Variants in PCDHA8 observed in about 807,000 individuals in gnomAD.
The protein encoded by PCDHA8 is protocadherin alpha 8.
PCDHA8 carries 53 observed loss-of-function variants against 61.8 expected under a neutral mutation model. The observed-to-expected ratio is 0.86, with a 90% CI of 0.69 to 1.08. The LOEUF (loss-of-function observed/expected upper bound fraction) is 1.08. Ranked by LOEUF, PCDHA8 falls within the 50% of genes least tolerant of loss-of-function variation. The pLI, the probability that PCDHA8 is intolerant of heterozygous loss-of-function variation, is 0.00. For synonymous variants in PCDHA8, 618 were observed against 556.6 expected (o/e 1.11, Z -1.55); for missense variants, 1,293 against 1,245.0 (o/e 1.04, Z -0.58).
intron 1 of PCDHA8, chr5:140,862,507 G>C (rs2047400822): frequency 5.0e-6 from 2 of 401,986 alleles, no homozygotes; most frequent in Non-Finnish European, 5.0e-6. Flanking sequence ...ATGGGGACTC[G>C]CTTTCATTGT....
chr5:140,984,168 A>C (rs1181991691), intron 3 of PCDHA8, among the ~76,000 whole-genome samples: 1 of 152,204 alleles, frequency 6.6e-6, no homozygotes, highest in Non-Finnish European at 1.5e-5. Context: ...TTCCCAAAGA[A>C]GCCACGTGAA....
At position 140,876,889 on chromosome 5, in the gene PCDHA8, C is replaced by G. The variant is rs1409299527; in HGVS notation, c.2394+33174C>G. On this transcript the variant is annotated intron_variant, in intron 1 of 3. Coordinates refer to ENST00000531613, the MANE Select transcript of PCDHA8 (RefSeq NM_018911.3). ...GAAGGAGAACAACCCGCCGGGCTGC[C>G]ACATCTTCACGGTGTCGGCATGGGA... 3.1e-6 allele frequency: 5 copies of G among 1,613,996 alleles called. No homozygotes were observed. In the African/African-American group the frequency reaches 6.7e-5, roughly 22 times the overall value.
At chr5:140,887,668 A>G (rs1047587717) in intron 1 of PCDHA8, among the ~76,000 whole-genome samples, 1 of 151,958 alleles carries the variant, frequency 6.6e-6, no homozygotes, top group Non-Finnish European at 1.5e-5. Context: ...CTGTGGATTT[A>G]TCATTTTCAT....
intron 1 of PCDHA8, chr5:140,927,906 CG>C: frequency 6.2e-7 from 1 of 1,614,180 alleles, no homozygotes. Context: ...ATCATGCCCC[CG>C]AACTGGACTT....
At chr5:140,954,183 A>T (rs246025) in intron 1 of PCDHA8, among the ~76,000 whole-genome samples, 85,732 of 152,134 alleles carry the variant, frequency 0.56, 24,791 homozygotes, top group African/African-American at 0.69. Flanking sequence ...CCAGTCTATC[A>T]TTGATGGGCA....
At chr5:140,927,669 T>G in intron 1 of PCDHA8, 1 of 1,614,106 alleles carries the variant, frequency 6.2e-7, no homozygotes. Context: ...AAGCCTTGGA[T>G]CCAGATGAAG....
At chr5:140,942,663 A>G (rs2153659608) in intron 1 of PCDHA8, among the ~76,000 whole-genome samples, 1 of 152,294 alleles carries the variant, frequency 6.6e-6, no homozygotes, top group African/African-American at 2.4e-5. Context: ...AAAAGCAATA[A>G]GCACAAAAGT....
At chr5:140,936,311 T>C (rs1451314089) in intron 1 of PCDHA8, among the ~76,000 whole-genome samples, 1 of 152,228 alleles carries the variant, frequency 6.6e-6, no homozygotes, top group African/African-American at 2.4e-5. Flanking sequence ...AATAGAACTT[T>C]CTGACATGCT....
At chr5:140,856,295 T>C (rs782325790) in intron 1 of PCDHA8, 3 of 1,598,412 alleles carry the variant, frequency 1.9e-6, no homozygotes, top group Admixed American at 1.7e-5. Context: ...GAATGGCATT[T>C]TGTTTGTGAA....
At chr5:140,872,652 T>C (rs1185435042) in intron 1 of PCDHA8, among the ~76,000 whole-genome samples, 2 of 152,142 alleles carry the variant, frequency 1.3e-5, no homozygotes, top group Non-Finnish European at 2.9e-5. Context: ...AGGCAAGAGA[T>C]TTGTCAACTA....
intron 1 of PCDHA8, chr5:140,876,877 C>T: frequency 6.2e-7 from 1 of 1,614,138 alleles, no homozygotes; most frequent in Non-Finnish European, 8.5e-7. Context: ...GGAGAACAAC[C>T]CGCCGGGCTG....
At chr5:140,950,669 G>C (rs1554219570) in intron 1 of PCDHA8, among the ~76,000 whole-genome samples, 1 of 151,992 alleles carries the variant, frequency 6.6e-6, no homozygotes, top group African/African-American at 2.4e-5. Flanking sequence ...TATCAAACAT[G>C]TACATGTATA....
chr5:140,883,137 T>C (rs2153390787), intron 1 of PCDHA8: 1 of 1,614,036 alleles, frequency 6.2e-7, no homozygotes, highest in Admixed American at 1.7e-5. Flanking sequence ...CCTGCAGTGG[T>C]ATATGCATTT....
chr5:140,979,604 A>T (rs1326370777), intron 2 of PCDHA8, among the ~76,000 whole-genome samples: 1 of 152,204 alleles, frequency 6.6e-6, no homozygotes, highest in African/African-American at 2.4e-5. Context: ...AAATTAACCT[A>T]GAGTAACGGT....
At chr5:140,949,234 A>C (rs2094354068) in intron 1 of PCDHA8, among the ~76,000 whole-genome samples, 1 of 151,820 alleles carries the variant, frequency 6.6e-6, no homozygotes, top group South Asian at 2.1e-4. Flanking sequence ...TCTGTGGCCC[A>C]GCAACAGTCT....
At chr5:140,925,665 A>C (rs2082643258) in intron 1 of PCDHA8, among the ~76,000 whole-genome samples, 1 of 149,266 alleles carries the variant, frequency 6.7e-6, no homozygotes, top group Non-Finnish European at 1.5e-5. Flanking sequence ...TAATAATAAT[A>C]ATAATAATAA....
chr5:140,939,246 C>A (rs536477969), intron 1 of PCDHA8, among the ~76,000 whole-genome samples: 1 of 152,112 alleles, frequency 6.6e-6, no homozygotes, highest in South Asian at 2.1e-4. Context: ...AGCAAGGTAG[C>A]TCTCTGGAAC....
rs2150502964 is a variant in PCDHA8 at position 140,850,934 on chromosome 5, T to C, written c.2394+7219T>C. On this transcript the variant is annotated intron_variant, in intron 1 of 3. Transcript: ENST00000531613. ...TATTTATTTATATAATTTTTTTTCTTGAAAGATATTATCGATTACTCCCAG... is the reference window on the plus strand; with the variant it reads ...TATTTATTTATATAATTTTTTTTCTCGAAAGATATTATCGATTACTCCCAG... 3.0e-5 allele frequency: 45 copies of C among 1,514,272 alleles called. 2 individuals are homozygous for C. The South Asian group carries it at 5.0e-4, about 17-fold the overall frequency. The allele number at this position is 1,514,272 out of a possible 1,614,324, so 93.8% of individuals were successfully genotyped here.
At chr5:140,882,039 TGA>T (rs781834736) in intron 1 of PCDHA8, 12 of 658,206 alleles carry the variant, frequency 1.8e-5, no homozygotes, top group Non-Finnish European at 2.9e-5. Flanking sequence ...ATATGAAGAC[TGA>T]GTCATACTTA....
Sources: allele counts gnomAD v4.1 joint callset (sites outside exome capture counted in the v4.1 genomes callset), GRCh38; gene constraint gnomAD v4.1.1; transcripts MANE v1.5; gene names NCBI Gene and HGNC (gene_info 2026-07-23, HGNC 2026-07-21).